Variants in PRKCH observed in about 807,000 individuals in gnomAD.
The protein encoded by PRKCH is protein kinase C eta type.
A neutral mutation model predicts 82.5 loss-of-function variants in PRKCH; 28 were observed. The observed-to-expected ratio is 0.34, with a 90% CI of 0.25 to 0.47. The LOEUF is 0.47. Ranked by LOEUF, PRKCH falls within the 20% of genes least tolerant of loss-of-function variation. The pLI, the probability that PRKCH is intolerant of heterozygous loss-of-function variation, is 1.00. For missense variants in PRKCH, 705 were observed against 881.8 expected, an observed-to-expected ratio of 0.80 and a Z score of 2.54; for synonymous variants, 322 against 327.4, an observed-to-expected ratio of 0.98 and a Z score of 0.18.
At position 61,517,373 on chromosome 14, in the gene PRKCH, G is replaced by T. The variant is rs116676268; in HGVS notation, c.1434-11702G>T. Among the ~76,000 whole-genome samples the T allele has an allele frequency of 2.6e-3, 391 of 152,340 alleles. 1 individual carries two copies. Among genetic ancestry groups the T allele is most frequent in the African/African-American group, 9.0e-3 (375 of 41,564 alleles). ...AGGACATTGCTATTTTCTGACAATC[G>T]AATGTCTTCGAGGAACTAGCTTCAG... is the stretch of plus-strand genomic sequence containing the variant. On this transcript the variant is annotated intron_variant, in intron 10 of 13. Transcript: ENST00000332981.
intron 1 of PRKCH, among the ~76,000 whole-genome samples, chr14:61,189,875 T>C (rs777784085): frequency 3.3e-5 from 5 of 152,162 alleles, no homozygotes; most frequent in Non-Finnish European, 5.9e-5. Flanking sequence ...ATTTTTTATA[T>C]GGTCTTTGTT....
intron 12 of PRKCH, chr14:61,544,999 G>C (rs1029195758): frequency 5.9e-5 from 9 of 152,190 alleles, no homozygotes; most frequent in African/African-American, 1.9e-4. Flanking sequence ...GCCTCTAACT[G>C]CTCACCACCA....
intron 1 of PRKCH, among the ~76,000 whole-genome samples, chr14:61,332,850 C>G (rs1273740447): frequency 6.6e-6 from 1 of 152,242 alleles, no homozygotes; most frequent in Non-Finnish European, 1.5e-5. Context: ...ATGATACACT[C>G]TTTCCTTACA....
intron 12 of PRKCH, 67 bp downstream of exon 12, chr14:61,530,662 G>A: frequency 8.2e-6 from 12 of 1,456,412 alleles, no homozygotes; most frequent in Non-Finnish European, 1.1e-5. Context: ...TGCTGCTTGA[G>A]TCTTTTCAGT....
chr14:61,481,944 C>T (rs1036441838), intron 9 of PRKCH, among the ~76,000 whole-genome samples: 1 of 151,810 alleles, frequency 6.6e-6, no homozygotes, highest in African/African-American at 2.4e-5. Flanking sequence ...TGACTCCTCA[C>T]CCCACCACCC....
upstream of PRKCH, among the ~76,000 whole-genome samples, chr14:61,320,974 A>G (rs1042786134): frequency 1.3e-5 from 2 of 152,310 alleles, no homozygotes; most frequent in Middle Eastern, 3.4e-3. Flanking sequence ...TTCCTGCTCT[A>G]TGTGCAACAA....
chr14:61,517,612 C>G lies in PRKCH; in HGVS notation c.1434-11463C>G, dbSNP rs1036781118. 2.6e-5 allele frequency among the ~76,000 whole-genome samples: 4 copies of G among 152,198 alleles called. No homozygotes were observed. In the South Asian group the frequency reaches 8.3e-4, roughly 32 times the overall value. The stretch of plus-strand genomic sequence containing the variant: ...CAGTGCTGATAATGGCTAGCATTTA[C>G]CTAGCACTGTGTGCCCTAGAACATT... On this transcript the variant is annotated intron_variant, in intron 10 of 13. Transcript: ENST00000332981.
At chr14:61,295,249 A>T (rs1469337962) in intron 1 of PRKCH, among the ~76,000 whole-genome samples, 2 of 152,232 alleles carry the variant, frequency 1.3e-5, no homozygotes, top group Admixed American at 6.5e-5. Flanking sequence ...TCTGTATTTT[A>T]AAAAAATTCA....
intron 1 of PRKCH, among the ~76,000 whole-genome samples, chr14:61,289,370 T>A (rs1164013017): frequency 1.3e-5 from 2 of 152,206 alleles, no homozygotes. Flanking sequence ...TATTCTGTAT[T>A]ACTCCAGAAA....
chr14:61,283,934 G>A (rs2045293255), intron 1 of PRKCH, among the ~76,000 whole-genome samples: 1 of 152,220 alleles, frequency 6.6e-6, no homozygotes, highest in Admixed American at 6.5e-5. Context: ...AGTGATAACT[G>A]TCTAGAAGAG....
At chr14:61,422,127 A>G (rs1463606238) in intron 2 of PRKCH, among the ~76,000 whole-genome samples, 2 of 152,178 alleles carry the variant, frequency 1.3e-5, no homozygotes, top group Non-Finnish European at 2.9e-5. Flanking sequence ...TCTGTCACCC[A>G]GGCTGGAGTA....
At chr14:61,421,287 G>C (rs889461198) in intron 2 of PRKCH, among the ~76,000 whole-genome samples, 2 of 151,954 alleles carry the variant, frequency 1.3e-5, no homozygotes, top group African/African-American at 4.8e-5. Context: ...ATAGGGATGT[G>C]AAAACTAAAC....
chr14:61,460,952 T>A, intron 9 of PRKCH, among the ~76,000 whole-genome samples: 1 of 152,058 alleles, frequency 6.6e-6, no homozygotes, highest in East Asian at 1.9e-4. Flanking sequence ...AGCAGAGAAG[T>A]CTGGGAGCTT....
intron 1 of PRKCH, among the ~76,000 whole-genome samples, chr14:61,352,045 G>A (rs931958910): frequency 2.0e-5 from 3 of 152,174 alleles, no homozygotes; most frequent in Admixed American, 6.5e-5. Context: ...AATCTCAAGA[G>A]TAACAGCACA....
intron 10 of PRKCH, among the ~76,000 whole-genome samples, chr14:61,519,916 A>C (rs1288004010): frequency 1.3e-5 from 2 of 152,084 alleles, no homozygotes; most frequent in Non-Finnish European, 2.9e-5. Context: ...GTTCAATTCT[A>C]AGTCTACAAA....
intron 2 of PRKCH, among the ~76,000 whole-genome samples, chr14:61,406,905 G>A (rs927014909): frequency 1.5e-4 from 23 of 152,060 alleles, no homozygotes; most frequent in Non-Finnish European, 8.8e-5. Context: ...TGATGAACTC[G>A]ACATCCGAGA....
chr14:61,273,477 A>G (rs985917913), intron 1 of PRKCH, among the ~76,000 whole-genome samples: 5 of 152,246 alleles, frequency 3.3e-5, no homozygotes, highest in Admixed American at 2.0e-4. Context: ...AGTAAGTAAA[A>G]AATTCTCTTT....
At chr14:61,281,292 C>T in intron 1 of PRKCH, 1 of 409,818 alleles carries the variant, frequency 2.4e-6, no homozygotes, top group Non-Finnish European at 4.3e-6. Flanking sequence ...CGGGCCCCTC[C>T]TCTGCCTCCG....
chr14:61,226,135 G>C (rs2044694657), intron 1 of PRKCH, among the ~76,000 whole-genome samples: 2 of 152,114 alleles, frequency 1.3e-5, no homozygotes, highest in South Asian at 4.1e-4. Flanking sequence ...TTAACCGTAG[G>C]CAAATCATAC....
Sources: allele counts gnomAD v4.1 joint callset (sites outside exome capture counted in the v4.1 genomes callset), GRCh38; gene constraint gnomAD v4.1.1; transcripts MANE v1.5; gene names NCBI Gene and HGNC (gene_info 2026-07-23, HGNC 2026-07-21).